The following SGMS1 variants were observed in gnomAD, a reference collection of about 807,000 sequenced individuals.
The protein encoded by SGMS1 is phosphatidylcholine:ceramide cholinephosphotransferase 1.
SGMS1 carries 13 observed loss-of-function variants against 46.2 expected under a neutral mutation model. The ratio of observed to expected loss-of-function variants is 0.28; its 90% CI spans 0.18 to 0.45. The LOEUF (loss-of-function observed/expected upper bound fraction) is 0.45, where lower values mean the gene tolerates loss of function less well. Among genes scored for constraint, SGMS1 ranks in the 20% least tolerant of loss-of-function variants. The pLI is 1.00. For missense variants in SGMS1, 324 were observed against 519.9 expected (o/e 0.62, Z 3.66); for synonymous variants, 203 against 187.8 (o/e 1.08, Z -0.66).
chr10:50,578,440 A>T (rs1051850352), intron 2 of SGMS1, among the ~76,000 whole-genome samples: 2 of 152,116 alleles, frequency 1.3e-5, no homozygotes, highest in Non-Finnish European at 2.9e-5. Context: ...ATCAATAAGG[A>T]TTTTTTTCTA....
chr10:50,369,300 C>G (rs1267519938), intron 6 of SGMS1, among the ~76,000 whole-genome samples: 2 of 152,142 alleles, frequency 1.3e-5, no homozygotes, highest in Non-Finnish European at 2.9e-5. Flanking sequence ...GAGTTCAAGA[C>G]CAGCCTGGGC....
At chr10:50,559,845 T>C (rs889934079) in intron 2 of SGMS1, among the ~76,000 whole-genome samples, 1 of 152,078 alleles carries the variant, frequency 6.6e-6, no homozygotes, top group Admixed American at 6.6e-5. Context: ...GGTAAAATTA[T>C]AAGTAATTCC....
At chr10:50,478,695 A>C (rs552015290) in intron 3 of SGMS1, among the ~76,000 whole-genome samples, 74 of 152,358 alleles carry the variant, frequency 4.9e-4, no homozygotes, top group Non-Finnish European at 9.6e-4. Context: ...GAAATCATAA[A>C]GATTCTTGCA....
At chr10:50,508,143 G>A (rs12260887) in intron 3 of SGMS1, among the ~76,000 whole-genome samples, 6,571 of 152,236 alleles carry the variant, frequency 0.043, 483 homozygotes, top group African/African-American at 0.15. Context: ...AACTACAGTC[G>A]TTTATTCTGT....
chr10:50,366,153 TG>T, intron 6 of SGMS1, among the ~76,000 whole-genome samples: 1 of 152,168 alleles, frequency 6.6e-6, no homozygotes, highest in East Asian at 1.9e-4. Flanking sequence ...ACCTACAGAA[TG>T]GGAGAAAATT....
chr10:50,535,124 C>A (rs182884129), intron 2 of SGMS1, among the ~76,000 whole-genome samples: 1 of 151,672 alleles, frequency 6.6e-6, no homozygotes, highest in Non-Finnish European at 1.5e-5. Context: ...CCCAGCTACT[C>A]GGGAGCCTGA....
At chr10:50,390,602 C>A in intron 6 of SGMS1, among the ~76,000 whole-genome samples, 1 of 152,104 alleles carries the variant, frequency 6.6e-6, no homozygotes. Flanking sequence ...CGTGCCACTG[C>A]ACTCCTGCCT....
chr10:50,507,111 G>T (rs969753647), intron 3 of SGMS1, among the ~76,000 whole-genome samples: 6 of 152,138 alleles, frequency 3.9e-5, no homozygotes, highest in Non-Finnish European at 5.9e-5. Context: ...ACAGCCCATT[G>T]GTAGCTAGGT....
chr10:50,575,597 C>T (rs1408962341), intron 2 of SGMS1, among the ~76,000 whole-genome samples: 1 of 151,738 alleles, frequency 6.6e-6, no homozygotes, highest in African/African-American at 2.4e-5. Context: ...TGTTCTTACC[C>T]CCGTCACCCT....
chr10:50,491,732 CA>C (rs1431150059), intron 3 of SGMS1, among the ~76,000 whole-genome samples: 8 of 152,148 alleles, frequency 5.3e-5, no homozygotes, highest in African/African-American at 1.9e-4. Flanking sequence ...TGAATTCTAC[CA>C]GAGATACAAA....
Position 50,356,859 on chromosome 10 carries a change from T to C in SGMS1, c.-231-12514A>G, listed in dbSNP as rs138184908. 9.3e-3 allele frequency among the ~76,000 whole-genome samples: 1,419 copies of C among 152,080 alleles called. 24 individuals carry two copies. The highest frequency in any genetic ancestry group is 0.031 in the African/African-American group (1,296 of 41,492). On this transcript the variant is annotated intron_variant, in intron 6 of 10. Coordinates refer to ENST00000361781, the MANE Select transcript of SGMS1 (RefSeq NM_147156.4). ...ACATGTTCTCACTCATAGGTGGGAATTGAACAATGAGATCACATGGACACA... is the reference window on the plus strand; with the variant it reads ...ACATGTTCTCACTCATAGGTGGGAACTGAACAATGAGATCACATGGACACA...
intron 6 of SGMS1, among the ~76,000 whole-genome samples, chr10:50,368,973 C>T (rs552011836): frequency 2.0e-5 from 3 of 152,262 alleles, no homozygotes; most frequent in African/African-American, 7.2e-5. Flanking sequence ...TAAAAGTGTT[C>T]ACAAGTTCAC....
intron 6 of SGMS1, among the ~76,000 whole-genome samples, chr10:50,367,313 T>C (rs1410685195): frequency 6.6e-6 from 1 of 152,224 alleles, no homozygotes; most frequent in Non-Finnish European, 1.5e-5. Context: ...CAGGCCCAGA[T>C]AGGAGAAATC....
chr10:50,317,698 T>C (rs902407424), intron 8 of SGMS1, among the ~76,000 whole-genome samples: 7 of 152,254 alleles, frequency 4.6e-5, no homozygotes, highest in African/African-American at 1.7e-4. Context: ...TAATACACGA[T>C]TGAATAGCTA....
At chr10:50,502,492 C>T (rs140362629) in intron 3 of SGMS1, among the ~76,000 whole-genome samples, 2 of 152,202 alleles carry the variant, frequency 1.3e-5, no homozygotes, top group East Asian at 3.9e-4. Flanking sequence ...GCTGACCCTA[C>T]CCTTCTCTCT....
At position 50,536,466 on chromosome 10, in the gene SGMS1, G is replaced by C. The variant is rs1350289437; in HGVS notation, c.-588-16545C>G. ...TGATTAGAACTACCAGGAATATTTG[G>C]AGTAAAGGGTCAACAAGGCACCTGT... On this transcript the variant is annotated intron_variant, in intron 2 of 10. Transcript: ENST00000361781. Among the ~76,000 whole-genome samples, 3 of 152,266 alleles carry C rather than the reference G, an allele frequency of 2.0e-5. No individual in the cohort carries two copies. In the East Asian group the frequency reaches 5.8e-4, roughly 29 times the overall value.
intron 7 of SGMS1, among the ~76,000 whole-genome samples, chr10:50,338,813 C>T (rs2133346635): frequency 6.6e-6 from 1 of 151,362 alleles, no homozygotes; most frequent in Middle Eastern, 3.4e-3. Flanking sequence ...GATCTCAGCT[C>T]ACTGCAACCT....
chr10:50,394,057 T>C (rs1310949460), intron 6 of SGMS1, among the ~76,000 whole-genome samples: 1 of 152,222 alleles, frequency 6.6e-6, no homozygotes, highest in Non-Finnish European at 1.5e-5. Flanking sequence ...GCCAATTCCC[T>C]AGGCTGAAGG....
intron 7 of SGMS1, chr10:50,341,392 G>A (rs1847819127): frequency 2.2e-6 from 1 of 455,868 alleles, no homozygotes; most frequent in African/African-American, 2.0e-5. Flanking sequence ...GGTGGACGAT[G>A]CTTAGGAAGA....
Sources: allele counts gnomAD v4.1 joint callset (sites outside exome capture counted in the v4.1 genomes callset), GRCh38; gene constraint gnomAD v4.1.1; transcripts MANE v1.5; gene names NCBI Gene and HGNC (gene_info 2026-07-23, HGNC 2026-07-21).